The following TTN variants were observed in gnomAD, a reference collection of about 807,000 sequenced individuals.
The protein encoded by TTN is titin.
TTN carries 1,525 observed loss-of-function variants against 3,223.0 expected under a neutral mutation model. The observed-to-expected ratio is 0.47, with a 90% CI of 0.45 to 0.49. The LOEUF is 0.49. TTN is among the 20% of genes least tolerant of loss of function. The pLI is 0.00. For synonymous variants in TTN, 14,094 were observed against 15,161.0 expected (o/e 0.93, Z 5.17); for missense variants, 40,786 against 43,424.0 (o/e 0.94, Z 5.40).
Position 178,729,798 on chromosome 2 carries a change from T to C in TTN, c.18455A>G (p.His6152Arg). 1 of 1,613,708 alleles carries C rather than the reference T, an allele frequency of 6.2e-7. No individual in the cohort carries two copies. The highest frequency in any genetic ancestry group is 1.1e-5 in the South Asian group (1 of 91,086). ...TAAACCATCAATGAAGGAAATGCCA[T>C]GTTTCTGAATGGCTGTTATTTCATT... is the stretch of plus-strand genomic sequence containing the variant. Reference protein sequence around the residue: ...DGNEITAIQKHGISFIDGLAT... With the variant: ...DGNEITAIQKRGISFIDGLAT... Residue 6152 changes from histidine to arginine, a missense_variant, in exon 63 of 363, where the codon CAT (histidine) becomes CGT (arginine). Coordinates refer to ENST00000589042, the MANE Select transcript of TTN (RefSeq NM_001267550.2).
In TTN at chr2:178,719,548, A is replaced by G. The variant is rs369766799; in HGVS notation, c.23938+6T>C. 2 of 1,597,926 alleles carry G rather than the reference A, an allele frequency of 1.3e-6. No individual in the cohort carries two copies. The highest frequency in any genetic ancestry group is 1.7e-6 in the Non-Finnish European group (2 of 1,170,018). ...TGTATATTCATAAAAATCTCATTCT[A>G]CTCACCAGAAACATGGACGGATACA... is the stretch of plus-strand genomic sequence containing the variant. On this transcript the variant is annotated splice_donor_region_variant and intron_variant, in intron 82 of 362. Coordinates refer to ENST00000589042, the MANE Select transcript of TTN (RefSeq NM_001267550.2).
rs765159614 is a variant in TTN at position 178,678,447 on chromosome 2, C to G, written c.33877G>C (p.Ala11293Pro). The G allele has an allele frequency of 1.3e-6, 2 of 1,596,624 alleles. No individual in the cohort carries two copies. The highest frequency in any genetic ancestry group is 3.5e-5 in the Admixed American group (2 of 57,662). The change falls in exon 144 of 363, where the codon GCT becomes CCT. Residue 11293 changes from alanine to proline, a missense_variant. Transcript: ENST00000589042. The part of the protein sequence containing the change: ...PVPEKKVPVP[A>P]PKKVEAPPAK... ...GGTGGAGCCTCCACTTTCTTAGGAG[C>G]AGGAACTGGCACCTTCTTCTCAGGC...
Position 178,785,831 on chromosome 2 carries a change from A to G in TTN, c.2370+17T>C, listed in dbSNP as rs775334677. On this transcript the variant is annotated intron_variant, in intron 14 of 362. Coordinates refer to ENST00000589042, the MANE Select transcript of TTN (RefSeq NM_001267550.2). ...TTTACCATGAACAAGGTGAAAAATC[A>G]GCAGGTATAGACTCACCTGTGATGA... 6.2e-7 allele frequency: 1 copy of G among 1,614,156 alleles called. No homozygotes were observed. Among genetic ancestry groups the G allele is most frequent in the South Asian group, 1.1e-5 (1 of 91,072 alleles).
chr2:178,799,952 G>T (rs374471842), intron 4 of TTN, 42 bp from the exon 5 acceptor site: 13 of 1,590,766 alleles, frequency 8.2e-6, no homozygotes, highest in African/African-American at 1.3e-5. Flanking sequence ...GGGGCACAAT[G>T]ACCCATTTTA....
intron 224 of TTN, among the ~76,000 whole-genome samples, 178 bp downstream of exon 224, chr2:178,637,191 C>CTA (rs2060602253): frequency 2.2e-5 from 1 of 45,640 alleles, no homozygotes; most frequent in African/African-American, 7.1e-5. Context: ...ATATATATAT[C>CTA]TCCTTGCATA....
rs878989601 is a variant in TTN at position 178,711,220 on chromosome 2, T to C, written c.28016A>G (p.Lys9339Arg). 6.2e-7 allele frequency: 1 copy of C among 1,613,794 alleles called. No individual in the cohort carries two copies. The highest frequency in any genetic ancestry group is 8.5e-7 in the Non-Finnish European group (1 of 1,179,808). Residue 9339 changes from lysine to arginine, a missense_variant, in exon 97 of 363, where the codon AAG (lysine) becomes AGG (arginine). By Grantham distance (26) the Lys-to-Arg change is conservative. Transcript: ENST00000589042. Reference sequence around the variant, plus strand: ...TACATTTGGGCTGTCTTTCAATGGCTTGCCGTCTTTATACCAAGACACGGA... The same window carrying C: ...TACATTTGGGCTGTCTTTCAATGGCCTGCCGTCTTTATACCAAGACACGGA... ...PISVSWYKDGKPLKDSPNVQT... is the reference protein window; with the variant it reads ...PISVSWYKDGRPLKDSPNVQT...
rs1255381809 is a variant in TTN, at chr2:178,702,251, G to A, written c.30434-6C>T. 6.2e-7 allele frequency: 1 copy of A among 1,613,876 alleles called. No individual in the cohort carries two copies. The highest frequency in any genetic ancestry group is 1.1e-5 in the South Asian group (1 of 91,080). ...AGCGATGACCGAGTAGACACCTAGG[G>A]TGAAAAATCATCCAACTTTTGTTTT... On this transcript the variant is annotated splice_polypyrimidine_tract_variant and splice_region_variant and intron_variant, in intron 107 of 362. Transcript: ENST00000589042.
At position 178,612,047 on chromosome 2, in the gene TTN, C is replaced by A. The variant is rs772647911; in HGVS notation, c.50354+10G>T. ...GTAAGTTATTCTTTATGAATTAATTCAAATTCTACCTCTGTATTGGTCTTC... is the reference window on the plus strand; with the variant it reads ...GTAAGTTATTCTTTATGAATTAATTAAAATTCTACCTCTGTATTGGTCTTC... On this transcript the variant is annotated intron_variant, in intron 267 of 362. Transcript: ENST00000589042. 1.2e-5 allele frequency: 19 copies of A among 1,603,836 alleles called. No individual in the cohort carries two copies. The Admixed American group carries it at 3.3e-4, about 28-fold the overall frequency.
intron 239 of TTN, among the ~76,000 whole-genome samples, chr2:178,629,972 G>A (rs2059594854): frequency 6.6e-6 from 1 of 152,002 alleles, no homozygotes; most frequent in South Asian, 2.1e-4. Context: ...CATTGTATGT[G>A]TATCTACTTT....
intron 241 of TTN, 64 bp downstream of exon 241, chr2:178,625,207 TTG>T: frequency 6.5e-7 from 1 of 1,539,272 alleles, no homozygotes; most frequent in Non-Finnish European, 8.7e-7. Flanking sequence ...ATAAAGATAA[TTG>T]AGAGTTGGCA....
Position 178,551,707 on chromosome 2 carries a change from C to T in TTN, c.91193G>A (p.Arg30398His), listed in dbSNP as rs761570672. The T allele has an allele frequency of 1.2e-5, 20 of 1,613,388 alleles. No homozygotes were observed. Among genetic ancestry groups the T allele is most frequent in the South Asian group, 2.2e-5 (2 of 91,044 alleles). ...GCCAGCAGAATTTTCAGCATATACA[C>T]GGAATTGGTAATCCAGACCTTCTAC... ...GLVEGLDYQF[R>H]VYAENSAGLS... The change falls in exon 335 of 363, where the codon CGT becomes CAT. Residue 30398 changes from arginine to histidine, a missense_variant. Physicochemically the swap from Arg to His is conservative, Grantham distance 29. Transcript: ENST00000589042.
intron 159 of TTN, among the ~76,000 whole-genome samples, chr2:178,668,947 C>T (rs1296500570): frequency 6.6e-6 from 1 of 150,394 alleles, no homozygotes; most frequent in Non-Finnish European, 1.5e-5. Context: ...GTCCTTTGAG[C>T]AGTTTTGCCA....
intron 270 of TTN, among the ~76,000 whole-genome samples, chr2:178,610,783 A>G (rs1272285945): frequency 2.0e-5 from 3 of 152,052 alleles, no homozygotes; most frequent in African/African-American, 7.2e-5. Flanking sequence ...GCAATTAACT[A>G]AAACTAGTAT....
Position 178,602,588 on chromosome 2 carries a change from G to A in TTN, c.54814C>T (p.Pro18272Ser). ...TCTGGGCAAGAAGGTGGCCCCGGTG[G>A]AACTAATAACAAAAGAAAAAAAAAA... ...DPEVAGDPIF[P>S]PGPPSCPEVK... Residue 18272 changes from proline (P) to serine (S), a missense_variant and splice_region_variant, in exon 283 of 363, where the codon CCA (proline) becomes TCA (serine). Transcript: ENST00000589042. 2 of 1,484,234 alleles carry A rather than the reference G, an allele frequency of 1.3e-6. No individual in the cohort carries two copies. The highest frequency in any genetic ancestry group is 2.8e-5 in the Admixed American group (1 of 36,134). 91.9% of individuals were successfully genotyped at this position (1,484,234 alleles called of 1,614,324 possible). A position where few individuals can be genotyped will look rare whatever the true frequency, so the allele number is the denominator to read the frequency against.
chr2:178,782,897 G>A lies in TTN; in HGVS notation c.3009C>T (p.Arg1003=), dbSNP rs2092903896. Residue 1003 remains arginine, a synonymous_variant, in exon 18 of 363, where the codon CGC becomes CGT. Transcript: ENST00000589042. The part of the protein sequence containing the change: ...FQSGIARLMI[R]EAFAEDSGRF... ...GCCCGCTGTCTTCCGCAAATGCTTC[G>A]CGAATCATAAGACGAGCAATTCCAC... 1.2e-6 allele frequency: 2 copies of A among 1,614,076 alleles called. No homozygotes were observed. Among genetic ancestry groups the A allele is most frequent in the South Asian group, 1.1e-5 (1 of 91,080 alleles).
rs2049409124 is a variant in TTN at position 178,588,022 on chromosome 2, C to T, written c.63385G>A (p.Glu21129Lys). The T allele has an allele frequency of 6.2e-7, 1 of 1,612,922 alleles. No homozygotes were observed. The highest frequency in any genetic ancestry group is 8.5e-7 in the Non-Finnish European group (1 of 1,179,372). Residue 21129 changes from glutamate (E) to lysine (K), a missense_variant, in exon 305 of 363, where the codon GAA (glutamate) becomes AAA (lysine). Glu to Lys is a moderately conservative substitution (Grantham distance 56). Transcript: ENST00000589042. ...CNAAAQLVRK[E>K]FTVTSLDENQ... ...TCATCCAAGCTGGTAACAGTGAATT[C>T]CTTGCGTACAAGCTGTGCTGCAGCA...
Position 178,562,383 on chromosome 2 carries a change from T to C in TTN, c.83749A>G (p.Lys27917Glu), listed in dbSNP as rs1363288051. 3 of 1,611,516 alleles carry C rather than the reference T, an allele frequency of 1.9e-6. No individual in the cohort carries two copies. The highest frequency in any genetic ancestry group is 1.1e-5 in the South Asian group (1 of 90,494). ...SEKWSTCTQV[K>E]TLEATISGLT... ...CCAGATATAGTTGCTTCTAGAGTCT[T>C]AACTTGTGTGCAGGTGCTCCACTTT... Residue 27917 changes from lysine (K) to glutamate (E), a missense_variant, in exon 326 of 363, where the codon AAG (lysine) becomes GAG (glutamate). By Grantham distance (56) the Lys-to-Glu change is moderately conservative. Transcript: ENST00000589042.
At chr2:178,795,316 T>C in intron 6 of TTN, 64 bp from the exon 7 acceptor site, 2 of 1,516,382 alleles carry the variant, frequency 1.3e-6, no homozygotes, top group Admixed American at 1.7e-5. Flanking sequence ...ATGTGAATCA[T>C]GAGATGAAAA....
chr2:178,673,825 A>G, intron 151 of TTN, 115 bp from the exon 152 acceptor site: 2 of 728,480 alleles, frequency 2.7e-6, no homozygotes, highest in Non-Finnish European at 4.4e-6. Context: ...AGATATTAGC[A>G]ACCTAAATGG....
Sources: gnomAD v4.1 joint callset for allele counts (sites outside exome capture counted in the v4.1 genomes callset) on GRCh38, gnomAD v4.1.1 for gene constraint, MANE v1.5 for transcripts, NCBI Gene and HGNC (gene_info 2026-07-23, HGNC 2026-07-21) for gene names.